ERG: variants seen among roughly 807,000 people sequenced by gnomAD.
ERG encodes the protein transcriptional regulator ERG.
In ERG, 9 loss-of-function variants were observed where a neutral mutation model predicts 55.3. The ratio of observed to expected loss-of-function variants is 0.16; its 90% confidence interval spans 0.10 to 0.28. ERG has a LOEUF of 0.28. Among genes scored for constraint, ERG ranks in the 10% least tolerant of loss-of-function variants. ERG has a pLI of 1.00. For synonymous variants in ERG, 223 were observed against 237.3 expected (o/e 0.94, Z 0.55); for missense variants, 434 against 631.6 (o/e 0.69, Z 3.35).
chr21:38,659,379 G>A (rs967289035), intron 1 of ERG, among the ~76,000 whole-genome samples: 2 of 152,260 alleles, frequency 1.3e-5, no homozygotes, highest in African/African-American at 4.8e-5. Context: ...AACGTCTGTT[G>A]CCTGATCCTC....
intron 1 of ERG, among the ~76,000 whole-genome samples, chr21:38,649,746 C>T (rs190121594): frequency 5.3e-5 from 8 of 152,324 alleles, no homozygotes; most frequent in East Asian, 1.9e-4. Flanking sequence ...TAGTGGCCCA[C>T]GTTCCTTATA....
At chr21:38,444,159 A>C (rs1245947433) in intron 2 of ERG, among the ~76,000 whole-genome samples, 2 of 152,206 alleles carry the variant, frequency 1.3e-5, no homozygotes, top group Non-Finnish European at 2.9e-5. Flanking sequence ...CACTTATAAT[A>C]AACCTTTTTA....
chr21:38,580,099 C>T (rs141799633), intron 1 of ERG, among the ~76,000 whole-genome samples: 13 of 152,282 alleles, frequency 8.5e-5, no homozygotes, highest in Admixed American at 2.0e-4. Context: ...GGATTACAGG[C>T]GTGAGCCACC....
At chr21:38,370,886 C>A in the ERG span, among the ~76,000 whole-genome samples, 2 of 151,506 alleles carry the variant, frequency 1.3e-5, no homozygotes, top group Non-Finnish European at 2.9e-5. Context: ...TCAAGCATAG[C>A]TGGGCCTGTG....
upstream of ERG, among the ~76,000 whole-genome samples, chr21:38,499,889 G>GGAAAA (rs1423067041): frequency 6.6e-6 from 1 of 151,312 alleles, no homozygotes; most frequent in Non-Finnish European, 1.5e-5. Flanking sequence ...AAAGAAAGAA[G>GGAAAA]GAAAAGAAAA....
At chr21:38,400,476 G>T in intron 6 of ERG, 98 bp downstream of exon 6, 1 of 956,380 alleles carries the variant, frequency 1.0e-6, no homozygotes, top group Non-Finnish European at 1.7e-6. Context: ...TCAGCTCCGG[G>T]ATCAGCTCTC....
At chr21:38,418,743 A>G (rs963735728) in intron 3 of ERG, among the ~76,000 whole-genome samples, 5 of 151,918 alleles carry the variant, frequency 3.3e-5, no homozygotes, top group Admixed American at 6.6e-5. Flanking sequence ...CCTGGCAAAC[A>G]TGGCGAAACC....
At chr21:38,591,393 C>T (rs1297570738) in intron 1 of ERG, among the ~76,000 whole-genome samples, 4 of 152,198 alleles carry the variant, frequency 2.6e-5, no homozygotes, top group African/African-American at 9.6e-5. Context: ...AGTTGAGCAA[C>T]AAAGTTAGGG....
rs186571101 is a variant in ERG at position 38,491,578 on chromosome 21, G to A, written c.18+6785C>T. On this transcript the variant is annotated intron_variant, in intron 1 of 9. Coordinates refer to ENST00000288319, the MANE Select transcript of ERG (RefSeq NM_182918.4). ...AATGTTATGATTGGATTCTGATGTG[G>A]CACTTTAAAAATAAATCATTTTGCT... 5.3e-5 allele frequency among the ~76,000 whole-genome samples: 8 copies of A among 152,306 alleles called. No homozygotes were observed. In the East Asian group the frequency reaches 1.4e-3, roughly 26 times the overall value.
At chr21:38,469,835 CAT>C (rs2059124396) in intron 1 of ERG, among the ~76,000 whole-genome samples, 1 of 152,196 alleles carries the variant, frequency 6.6e-6, no homozygotes, top group Admixed American at 6.5e-5. Flanking sequence ...TATGTTTACA[CAT>C]GTGATCTCAT....
At chr21:38,589,029 C>A (rs78564209), upstream of ERG, among the ~76,000 whole-genome samples, 94 of 152,276 alleles carry the variant, frequency 6.2e-4, no homozygotes, top group African/African-American at 2.1e-3. Flanking sequence ...CCATGCCCAG[C>A]AAAGGCATTG....
At chr21:38,410,676 T>C (rs1268856707) in intron 3 of ERG, among the ~76,000 whole-genome samples, 1 of 152,170 alleles carries the variant, frequency 6.6e-6, no homozygotes, top group Non-Finnish European at 1.5e-5. Flanking sequence ...AGGAAAATAT[T>C]GAGTAGATAT....
Position 38,498,295 on chromosome 21 carries a change from TA to T in ERG, c.18+67del. The stretch of plus-strand genomic sequence containing the variant: ...CCCAACCCTAACTTATCTGCCTTGA[TA>T]AAGGAAACCAAAGAAAAGAGTAACA... On this transcript the variant is annotated intron_variant, in intron 1 of 9. Transcript: ENST00000288319. This position sits in a 1 kb window ranked among gnomAD's most constrained non-coding sequence, Gnocchi z 4.6. The T allele has an allele frequency of 7.0e-7, 1 of 1,431,302 alleles. No individual in the cohort carries two copies. Among genetic ancestry groups the T allele is most frequent in the South Asian group, 1.2e-5 (1 of 85,030 alleles). The allele number at this position is 1,431,302 out of a possible 1,614,324, so 88.7% of individuals were successfully genotyped here. A position where few individuals can be genotyped will look rare whatever the true frequency, so the allele number is the denominator to read the frequency against.
intron 6 of ERG, among the ~76,000 whole-genome samples, chr21:38,394,289 T>C (rs59205385): frequency 6.6e-6 from 1 of 152,108 alleles, no homozygotes; most frequent in Non-Finnish European, 1.5e-5. Flanking sequence ...CAATACCTGG[T>C]AGCTTGCTAG....
intron 2 of ERG, among the ~76,000 whole-genome samples, chr21:38,438,067 T>G (rs554167621): frequency 2.9e-4 from 44 of 152,330 alleles, no homozygotes; most frequent in African/African-American, 1.0e-3. Context: ...GCCTGCTTGT[T>G]GTCCTCGAAC....
At chr21:38,564,685 G>A (rs2059912568) in intron 2 of ERG, among the ~76,000 whole-genome samples, 1 of 151,618 alleles carries the variant, frequency 6.6e-6, no homozygotes, top group South Asian at 2.1e-4. Context: ...CAAAGCCTGT[G>A]GCTAATCCTC....
At chr21:38,415,799 G>A (rs1288388151) in intron 3 of ERG, among the ~76,000 whole-genome samples, 4 of 151,922 alleles carry the variant, frequency 2.6e-5, no homozygotes, top group African/African-American at 4.8e-5. Context: ...GCGAGTCTGC[G>A]ATTCCTGCTA....
At chr21:38,589,459 C>T (rs564682335), upstream of ERG, among the ~76,000 whole-genome samples, 113 of 152,180 alleles carry the variant, frequency 7.4e-4, no homozygotes, top group Non-Finnish European at 1.3e-3. Flanking sequence ...CCCCACATGA[C>T]CCACGGAGGA....
chr21:38,550,674 C>G (rs2212601), intron 2 of ERG, among the ~76,000 whole-genome samples: 76,740 of 152,094 alleles, frequency 0.5, 20,682 homozygotes, highest in Non-Finnish European at 0.62. Context: ...TTATATGCCA[C>G]TCAATGTATA....
Sources: gnomAD v4.1 joint callset for allele counts (sites outside exome capture counted in the v4.1 genomes callset) on GRCh38, gnomAD v4.1.1 for gene constraint, Gnocchi (gnomAD v3.1) non-coding constraint, MANE v1.5 for transcripts, NCBI Gene and HGNC (gene_info 2026-07-23, HGNC 2026-07-21) for gene names.